CRMP1: variants seen among roughly 807,000 people sequenced by gnomAD.
CRMP1 encodes the protein dihydropyrimidinase-related protein 1.
In CRMP1, 19 loss-of-function variants were observed where a neutral mutation model predicts 68.3. The ratio of observed to expected loss-of-function variants is 0.28; its 90% CI spans 0.19 to 0.41. The LOEUF is 0.41. Ranked by LOEUF, CRMP1 falls within the 10% of genes least tolerant of loss-of-function variation. The pLI is 1.00. For missense variants in CRMP1, 791 were observed against 967.4 expected, an observed-to-expected ratio of 0.82 and a Z score of 2.42; for synonymous variants, 439 against 399.6, an observed-to-expected ratio of 1.10 and a Z score of -1.18.
intron 9 of CRMP1, among the ~76,000 whole-genome samples, chr4:5,839,044 A>G (rs114937860): frequency 0.058 from 8,881 of 152,304 alleles, 306 homozygotes; most frequent in African/African-American, 0.093. Flanking sequence ...CACCACAGCA[A>G]GTGTGCTGCA....
chr4:5,875,691 G>A (rs1284199176), intron 1 of CRMP1, among the ~76,000 whole-genome samples: 1 of 151,724 alleles, frequency 6.6e-6, no homozygotes, highest in African/African-American at 2.4e-5. Flanking sequence ...TCCAGGTACT[G>A]TGGGTAGGTG....
In CRMP1 at chr4:5,850,516, C is replaced by T. The variant is rs185001078; in HGVS notation, c.882+892G>A. On this transcript the variant is annotated intron_variant, in intron 5 of 13. Transcript: ENST00000324989. This position sits in a 1 kb window ranked among gnomAD's most constrained non-coding sequence, Gnocchi z 4.4. ...AAGGAAGGACATAAAGTGCTTCTCC[C>T]GTTGCCCATCTATCTTCATGGTAAT... Among the ~76,000 whole-genome samples the T allele has an allele frequency of 6.6e-5, 10 of 152,282 alleles. No homozygotes were observed. The East Asian group carries it at 7.7e-4, about 12-fold the overall frequency.
At chr4:5,828,727 C>A in intron 11 of CRMP1, 59 bp from the exon 12 acceptor site, 3 of 1,564,272 alleles carry the variant, frequency 1.9e-6, no homozygotes, top group South Asian at 2.4e-5. Context: ...ACGAGCTGTT[C>A]ATAACAGCGA....
chr4:5,858,131 C>G lies in CRMP1; in HGVS notation c.656-1824G>C, dbSNP rs551095772. ...GTCCCTCCCTCCTTCCTTAAACTCGCTTCTCTCCAGCTTCCATGGCAACGC... is the reference window on the plus strand; with the variant it reads ...GTCCCTCCCTCCTTCCTTAAACTCGGTTCTCTCCAGCTTCCATGGCAACGC... On this transcript the variant is annotated intron_variant, in intron 3 of 13. Coordinates refer to ENST00000324989, the MANE Select transcript of CRMP1 (RefSeq NM_001014809.3). The surrounding 1 kb of genome is among the most constrained non-coding windows in gnomAD (Gnocchi z 5.5). Among the ~76,000 whole-genome samples the G allele has an allele frequency of 6.6e-6, 1 of 152,298 alleles. No homozygotes were observed. Among genetic ancestry groups the G allele is most frequent in the East Asian group, 1.9e-4 (1 of 5,170 alleles).
rs1311439940 is a variant in CRMP1, at chr4:5,853,657, C to T, written c.821-2188G>A. Among the ~76,000 whole-genome samples the T allele has an allele frequency of 7.6e-4, 115 of 152,220 alleles. 1 individual carries two copies. The highest frequency in any genetic ancestry group is 7.5e-3 in the Admixed American group (115 of 15,288). ...ATCCCCACTCCCGTGTTCATTGAGG[C>T]ATTGTTTATAACAGCCAAGATTAGG... On this transcript the variant is annotated intron_variant, in intron 4 of 13. Coordinates refer to ENST00000324989, the MANE Select transcript of CRMP1 (RefSeq NM_001014809.3). This position sits in a 1 kb window ranked among gnomAD's most constrained non-coding sequence, Gnocchi z 4.7.
In CRMP1 at chr4:5,841,166, A is replaced by T; in HGVS notation, c.1153+142T>A. On this transcript the variant is annotated intron_variant, in intron 8 of 13. Transcript: ENST00000324989. The surrounding 1 kb of genome is among the most constrained non-coding windows in gnomAD (Gnocchi z 6.9). ...TTGGGACCAAAGAATTCCAGCCACC[A>T]TCCTTGTGTCAGGAGCATCCCCGCT... 7.9e-7 allele frequency: 1 copy of T among 1,261,384 alleles called. No individual in the cohort carries two copies. Among genetic ancestry groups the T allele is most frequent in the Non-Finnish European group, 1.1e-6 (1 of 885,194 alleles). 78.1% of individuals were successfully genotyped at this position (1,261,384 alleles called of 1,614,324 possible).
At position 5,870,826 on chromosome 4, in the gene CRMP1, G is replaced by A. The variant is rs78441606; in HGVS notation, c.382-4070C>T. Among the ~76,000 whole-genome samples, 3,168 of 152,306 alleles carry A rather than the reference G, an allele frequency of 0.021. 88 individuals carry two copies. Among genetic ancestry groups the A allele is most frequent in the African/African-American group, 0.066 (2,733 of 41,548 alleles). ...GGCAATCCGGGACCAATGGGAAAAAGAGGCCCAGGCTCTGCACGTCCAGGA... is the reference window on the plus strand; with the variant it reads ...GGCAATCCGGGACCAATGGGAAAAAAAGGCCCAGGCTCTGCACGTCCAGGA... On this transcript the variant is annotated intron_variant, in intron 1 of 13. Coordinates refer to ENST00000324989, the MANE Select transcript of CRMP1 (RefSeq NM_001014809.3). The surrounding 1 kb of genome is among the most constrained non-coding windows in gnomAD (Gnocchi z 6.0).
intron 8 of CRMP1, among the ~76,000 whole-genome samples, chr4:5,839,980 A>G (rs993354740): frequency 3.9e-5 from 6 of 152,182 alleles, no homozygotes; most frequent in Non-Finnish European, 7.3e-5. Flanking sequence ...CCTTTTATAG[A>G]TTTGTAAGCC....
intron 1 of CRMP1, chr4:5,887,262 G>T: frequency 2.5e-6 from 2 of 800,462 alleles, no homozygotes; most frequent in Non-Finnish European, 3.0e-6. Flanking sequence ...CCCTGCGACT[G>T]TCCAGGAGCC....
chr4:5,843,711 G>A lies in CRMP1; in HGVS notation c.964-550C>T, dbSNP rs752526305. Among the ~76,000 whole-genome samples the A allele has an allele frequency of 5.9e-5, 9 of 152,098 alleles. No homozygotes were observed. The highest frequency in any genetic ancestry group is 3.3e-4 in the Admixed American group (5 of 15,278). On this transcript the variant is annotated intron_variant, in intron 6 of 13. Coordinates refer to ENST00000324989, the MANE Select transcript of CRMP1 (RefSeq NM_001014809.3). This position sits in a 1 kb window ranked among gnomAD's most constrained non-coding sequence, Gnocchi z 4.1. ...GGTGCTTGTACTGCAGAGTTACTAC[G>A]CTGATCAGATGAGCGAGCATACGAA...
Position 5,870,058 on chromosome 4 carries a change from G to A in CRMP1, c.382-3302C>T, listed in dbSNP as rs959799097. Among the ~76,000 whole-genome samples the A allele has an allele frequency of 6.6e-5, 10 of 152,132 alleles. No homozygotes were observed. The highest frequency in any genetic ancestry group is 5.2e-4 in the Admixed American group (8 of 15,274). ...GGCATCAGAAACACATCATGCAGTC[G>A]GCTGCTCAAAGCTTCTTGCATCAGA... On this transcript the variant is annotated intron_variant, in intron 1 of 13. Transcript: ENST00000324989. This position sits in a 1 kb window ranked among gnomAD's most constrained non-coding sequence, Gnocchi z 6.0.
In CRMP1 at chr4:5,892,746, A is replaced by G; in HGVS notation, c.224T>C (p.Leu75Pro). 1 of 1,225,360 alleles carries G rather than the reference A, an allele frequency of 8.2e-7. No individual in the cohort carries two copies. Among genetic ancestry groups the G allele is most frequent in the South Asian group, 3.6e-5 (1 of 27,896 alleles). The allele number at this position is 1,225,360 out of a possible 1,614,324, so 75.9% of individuals were successfully genotyped here. Residue 75 changes from leucine to proline, a missense_variant, in exon 1 of 14, where the codon CTG becomes CCG. Transcript: ENST00000324989. The surrounding 1 kb of genome is among the most constrained non-coding windows in gnomAD (Gnocchi z 8.6). ...RSAGRPDAVG[L>P]PGPGGSEDTA... The stretch of plus-strand genomic sequence containing the variant: ...GTCCTCGCTGCCTCCCGGCCCTGGC[A>G]GCCCGACCGCGTCGGGCCGGCCAGC...
chr4:5,891,408 T>C lies in CRMP1; in HGVS notation c.381+1181A>G, dbSNP rs1354680506. On this transcript the variant is annotated intron_variant, in intron 1 of 13. Coordinates refer to ENST00000324989, the MANE Select transcript of CRMP1 (RefSeq NM_001014809.3). This position sits in a 1 kb window ranked among gnomAD's most constrained non-coding sequence, Gnocchi z 5.2. ...AGCTCTGCTTCCCTCCAGGCTCACT[T>C]TGGGTCACTCATAGCATTTAAGAGG... 6.6e-6 allele frequency among the ~76,000 whole-genome samples: 1 copy of C among 152,190 alleles called. No homozygotes were observed. Among genetic ancestry groups the C allele is most frequent in the African/African-American group, 2.4e-5 (1 of 41,460 alleles).
intron 6 of CRMP1, among the ~76,000 whole-genome samples, chr4:5,846,492 C>G (rs1322366749): frequency 6.6e-6 from 1 of 152,070 alleles, no homozygotes; most frequent in African/African-American, 2.4e-5. Flanking sequence ...CAGCGAGATT[C>G]ACAGGAGGTC....
At position 5,890,446 on chromosome 4, in the gene CRMP1, C is replaced by T. The variant is rs1298653879; in HGVS notation, c.381+2143G>A. Among the ~76,000 whole-genome samples the T allele has an allele frequency of 6.6e-6, 1 of 152,216 alleles. No individual in the cohort carries two copies. Among genetic ancestry groups the T allele is most frequent in the African/African-American group, 2.4e-5 (1 of 41,474 alleles). ...GGGCGGGGGGGGAAGGGCCGGGGCACCCGTTGCGAAGCCCTGGAGCGGTGA... is the reference window on the plus strand; with the variant it reads ...GGGCGGGGGGGGAAGGGCCGGGGCATCCGTTGCGAAGCCCTGGAGCGGTGA... On this transcript the variant is annotated intron_variant, in intron 1 of 13. Transcript: ENST00000324989. This position sits in a 1 kb window ranked among gnomAD's most constrained non-coding sequence, Gnocchi z 5.5.
rs913850850 is a variant in CRMP1 at position 5,855,194 on chromosome 4, G to A, written c.820+949C>T. Among the ~76,000 whole-genome samples the A allele has an allele frequency of 6.6e-6, 1 of 152,194 alleles. No homozygotes were observed. On this transcript the variant is annotated intron_variant, in intron 4 of 13. Transcript: ENST00000324989. The surrounding 1 kb of genome is among the most constrained non-coding windows in gnomAD (Gnocchi z 4.9). ...AAAGCAATAATCCTGCACATTTAGA[G>A]TAAATTGTGATTGGGGGTAGAACCA...
intron 1 of CRMP1, among the ~76,000 whole-genome samples, chr4:5,887,967 G>T (rs986241283): frequency 1.3e-5 from 2 of 152,104 alleles, no homozygotes; most frequent in Non-Finnish European, 2.9e-5. Flanking sequence ...CACATCCCGT[G>T]GGGGGAGGGG....
chr4:5,857,018 C>CATCAT (rs1171939372), intron 3 of CRMP1, among the ~76,000 whole-genome samples: 1 of 16,618 alleles, frequency 6.0e-5, no homozygotes, highest in Non-Finnish European at 1.4e-4. Flanking sequence ...TCACCACCAT[C>CATCAT]TGCTATCATC....
intron 12 of CRMP1, chr4:5,827,901 G>GTT: frequency 2.3e-6 from 1 of 441,034 alleles, no homozygotes. Context: ...TTGCTCTAAA[G>GTT]TTAGGAATAG....
Sources: gnomAD v4.1 joint callset for allele counts (sites outside exome capture counted in the v4.1 genomes callset) on GRCh38, gnomAD v4.1.1 for gene constraint, Gnocchi (gnomAD v3.1) non-coding constraint, MANE v1.5 for transcripts, NCBI Gene and HGNC (gene_info 2026-07-23, HGNC 2026-07-21) for gene names.